The following IL27RA variants were observed in gnomAD, a reference collection of about 807,000 sequenced individuals.
IL27RA encodes interleukin 27 receptor subunit alpha.
A neutral mutation model predicts 80.8 loss-of-function variants in IL27RA; 61 were observed. The observed-to-expected ratio is 0.76, with a 90% CI of 0.61 to 0.93. IL27RA has a LOEUF of 0.93. Ranked by LOEUF, IL27RA falls within the 40% of genes least tolerant of loss-of-function variation. The probability of loss-of-function intolerance (pLI) is 0.00; values close to 1 mark genes in which losing one functional copy is unlikely to be tolerated. For synonymous variants in IL27RA, 316 were observed against 332.5 expected (o/e 0.95, Z 0.54); for missense variants, 735 against 808.1 (o/e 0.91, Z 1.10).
At chr19:14,036,942 TCTC>T (rs937484742) in intron 2 of IL27RA, among the ~76,000 whole-genome samples, 2 of 152,084 alleles carry the variant, frequency 1.3e-5, no homozygotes, top group African/African-American at 4.8e-5. Flanking sequence ...TTCAAGCGAT[TCTC>T]CTGCTTTAGC....
At chr19:14,050,943 T>C in intron 11 of IL27RA, 60 bp downstream of exon 11, 1 of 1,531,218 alleles carries the variant, frequency 6.5e-7, no homozygotes, top group Non-Finnish European at 8.9e-7. Flanking sequence ...TGGGGAGAGG[T>C]AGCATCTGGA....
Position 14,052,113 on chromosome 19 carries a change from G to T in IL27RA, c.1734G>T (p.Gln578His). ...CTTCCCAGCAAGTACCTGAGGCCCA[G>T]CCCCTTGGGGACTTGCCCATCCTGG... ...QPHMEQVPEA[Q>H]PLGDLPILEV... Residue 578 changes from glutamine (Q) to histidine (H), a missense_variant, in exon 14 of 14, where the codon CAG becomes CAT. Transcript: ENST00000263379. The T allele has an allele frequency of 6.2e-7, 1 of 1,613,290 alleles. No individual in the cohort carries two copies. The highest frequency in any genetic ancestry group is 8.5e-7 in the Non-Finnish European group (1 of 1,179,788).
chr19:14,052,063 C>T (rs113354096), intron 13 of IL27RA, 33 bp from the exon 14 acceptor site: 7 of 1,602,314 alleles, frequency 4.4e-6, no homozygotes, highest in African/African-American at 1.3e-5. Context: ...GTCGGGGAGG[C>T]TGGGGCAGGA....
Position 14,049,155 on chromosome 19 carries a change from G to GC in IL27RA, c.1244dup (p.Pro416ThrfsTer64). ...CCTTGACCTACTGCCTTCCTCCCCA[G>GC]CACCCCTAGTGGGGCCAACGCTTTG... On this transcript the variant is annotated frameshift_variant and splice_region_variant. Transcript: ENST00000263379. LOFTEE classifies it high-confidence loss of function. The GC allele has an allele frequency of 1.2e-6, 2 of 1,613,402 alleles. No individual in the cohort carries two copies. The highest frequency in any genetic ancestry group is 1.7e-6 in the Non-Finnish European group (2 of 1,179,590).
intron 8 of IL27RA, 65 bp from the exon 9 acceptor site, chr19:14,048,916 C>A: frequency 7.2e-7 from 1 of 1,381,600 alleles, no homozygotes; most frequent in Non-Finnish European, 1.0e-6. Context: ...CCAGTGAAGA[C>A]ACCTAGGAAA....
At chr19:14,044,754 G>A (rs1335985102) in intron 6 of IL27RA, among the ~76,000 whole-genome samples, 1 of 151,860 alleles carries the variant, frequency 6.6e-6, no homozygotes, top group South Asian at 2.1e-4. Flanking sequence ...GAGAGTCTGA[G>A]GCAGGAGGAC....
At chr19:14,045,559 C>G (rs1976052925) in intron 6 of IL27RA, among the ~76,000 whole-genome samples, 1 of 150,394 alleles carries the variant, frequency 6.6e-6, no homozygotes, top group African/African-American at 2.5e-5. Context: ...CGAGATGGCG[C>G]CACTGCACTC....
chr19:14,046,023 C>T, intron 6 of IL27RA, 131 bp from the exon 7 acceptor site: 1 of 885,690 alleles, frequency 1.1e-6, no homozygotes, highest in Non-Finnish European at 1.8e-6. Flanking sequence ...AAGACTCCGT[C>T]TCAAAAAACA....
At position 14,042,188 on chromosome 19, in the gene IL27RA, ACT is replaced by A. The variant is rs1351785036; in HGVS notation, c.535-262_535-261del. On this transcript the variant is annotated intron_variant, in intron 4 of 13. Coordinates refer to ENST00000263379, the MANE Select transcript of IL27RA (RefSeq NM_004843.4). ...CACTCCAGCCTGGCGACAGAGCAAG[ACT>A]CTGCCTCAAAAAAAAAAAAAAAAAA... 8.5e-5 allele frequency among the ~76,000 whole-genome samples: 12 copies of A among 141,392 alleles called. No individual in the cohort carries two copies. In the South Asian group the frequency reaches 2.5e-3, roughly 29 times the overall value. The allele number at this position is 141,392 out of a possible 152,430, so 92.8% of individuals were successfully genotyped here.
chr19:14,051,891 T>TGGC lies in IL27RA; in HGVS notation c.1634_1635insGGC (p.Leu545_Arg546insAla). ...TCCTGTCTTGCCAGGTGCTACCACC[T>TGGC]AAGGCACAAAGTGCTGCCCCGCTGG... On this transcript the variant is annotated inframe_insertion, in exon 13 of 14. Coordinates refer to ENST00000263379, the MANE Select transcript of IL27RA (RefSeq NM_004843.4). The TGGC allele has an allele frequency of 6.3e-7, 1 of 1,581,790 alleles. No individual in the cohort carries two copies. The highest frequency in any genetic ancestry group is 8.6e-7 in the Non-Finnish European group (1 of 1,162,732).
At chr19:14,051,578 T>A (rs1259651623) in intron 11 of IL27RA, 29 bp from the exon 12 acceptor site, 1 of 1,225,876 alleles carries the variant, frequency 8.2e-7, no homozygotes, top group Non-Finnish European at 1.1e-6. Flanking sequence ...AATAAAAAAT[T>A]AAGAATGATC....
intron 5 of IL27RA, 51 bp downstream of exon 5, chr19:14,042,663 G>T: frequency 6.2e-7 from 1 of 1,613,944 alleles, no homozygotes. Flanking sequence ...ACCCCCAGAA[G>T]TCTGTCCAAT....
intron 8 of IL27RA, among the ~76,000 whole-genome samples, chr19:14,047,210 A>ATTT (rs564818958): frequency 3.1e-5 from 4 of 130,700 alleles, no homozygotes; most frequent in African/African-American, 1.1e-4. Flanking sequence ...CAATCGGTTA[A>ATTT]TTTTTTTTTT....
chr19:14,050,921 T>A, intron 11 of IL27RA, 38 bp downstream of exon 11: 1 of 1,584,712 alleles, frequency 6.3e-7, no homozygotes, highest in Non-Finnish European at 8.6e-7. Context: ...AGGGAGGGGA[T>A]GTACTCCACA....
chr19:14,037,102 G>C (rs1975914191), intron 2 of IL27RA, among the ~76,000 whole-genome samples: 1 of 152,028 alleles, frequency 6.6e-6, no homozygotes, highest in Non-Finnish European at 1.5e-5. Context: ...CAAAGTGCTG[G>C]GATTACAGGC....
At chr19:14,033,461 T>A (rs554179233) in intron 2 of IL27RA, among the ~76,000 whole-genome samples, 61 of 152,098 alleles carry the variant, frequency 4.0e-4, no homozygotes, top group Non-Finnish European at 5.6e-4. Context: ...CCAGGCGCAG[T>A]GGTTCACACC....
Position 14,047,076 on chromosome 19 carries a change from C to T in IL27RA, c.1141+458C>T, listed in dbSNP as rs145839327. Among the ~76,000 whole-genome samples, 849 of 151,834 alleles carry T rather than the reference C, an allele frequency of 5.6e-3. 2 individuals are homozygous for T. The highest frequency in any genetic ancestry group is 7.7e-3 in the Non-Finnish European group (526 of 67,946). On this transcript the variant is annotated intron_variant, in intron 8 of 13. Transcript: ENST00000263379. Reference sequence around the variant, plus strand: ...TTTGCTTTTTGGAGGCAAGATCCCACTCTGTGGCCCAGGCTAGAGTGCAAT... The same window carrying T: ...TTTGCTTTTTGGAGGCAAGATCCCATTCTGTGGCCCAGGCTAGAGTGCAAT...
At position 14,032,436 on chromosome 19, in the gene IL27RA, A is replaced by C; in HGVS notation, c.151A>C (p.Asn51His). 1 of 1,613,568 alleles carries C rather than the reference A, an allele frequency of 6.2e-7. No homozygotes were observed. The highest frequency in any genetic ancestry group is 8.5e-7 in the Non-Finnish European group (1 of 1,179,896). ...CYGVGPLGDL[N>H]CSWEPLGDLG... ...CGGAGTTGGACCCTTGGGCGACTTG[A>C]ACTGCTCGTGGGAGCCTCTTGGGGA... The change falls in exon 2 of 14, where the codon AAC becomes CAC. Residue 51 changes from asparagine to histidine, a missense_variant. By Grantham distance (68) the Asn-to-His change is moderately conservative (BLOSUM62 1). Transcript: ENST00000263379.
At chr19:14,044,251 G>A (rs1976032005) in intron 6 of IL27RA, among the ~76,000 whole-genome samples, 1 of 151,724 alleles carries the variant, frequency 6.6e-6, no homozygotes, top group African/African-American at 2.4e-5. Context: ...ATTTATTTAT[G>A]TATTTGAGAT....
Sources: gnomAD v4.1 joint callset for allele counts (sites outside exome capture counted in the v4.1 genomes callset) on GRCh38, gnomAD v4.1.1 for gene constraint, MANE v1.5 for transcripts, NCBI Gene and HGNC (gene_info 2026-07-23, HGNC 2026-07-21) for gene names.